The following LHCGR variants were observed in gnomAD, a reference collection of about 807,000 sequenced individuals.
LHCGR encodes the protein lutropin-choriogonadotropic hormone receptor.
A neutral mutation model predicts 60.7 loss-of-function variants in LHCGR; 55 were observed. The ratio of observed to expected loss-of-function variants is 0.91; its 90% CI spans 0.73 to 1.13. LHCGR has a LOEUF of 1.13. Ranked by LOEUF, LHCGR falls within the 50% of genes most tolerant of loss-of-function variation. The pLI is 0.00. For synonymous variants in LHCGR, 337 were observed against 316.5 expected (o/e 1.06, Z -0.69); for missense variants, 862 against 836.0 (o/e 1.03, Z -0.38).
In LHCGR at chr2:48,731,282, G is replaced by A; in HGVS notation, c.178C>T (p.Pro60Ser). The A allele has an allele frequency of 1.2e-6, 2 of 1,611,438 alleles. No homozygotes were observed. The highest frequency in any genetic ancestry group is 1.7e-6 in the Non-Finnish European group (2 of 1,178,470). ...GLTRLSLAYL[P>S]VKVIPSQAFR... ...GCTTGAGATGGGATCACTTTGACAG[G>A]GAGGTAGGCAAGTGATCTAGAAAAG... Residue 60 changes from proline (P) to serine (S), a missense_variant, in exon 2 of 11, where the codon CCT becomes TCT. Coordinates refer to ENST00000294954, the MANE Select transcript of LHCGR (RefSeq NM_000233.4).
At position 48,731,300 on chromosome 2, in the gene LHCGR, T is replaced by C; in HGVS notation, c.162-2A>G. ...TTGACAGGGAGGTAGGCAAGTGATC[T>C]AGAAAAGAAAAAAGGAAATCCAAGA... On this transcript the variant is annotated splice_acceptor_variant, in intron 1 of 10. Coordinates refer to ENST00000294954, the MANE Select transcript of LHCGR (RefSeq NM_000233.4). LOFTEE classifies it high-confidence loss of function. 1 of 1,608,366 alleles carries C rather than the reference T, an allele frequency of 6.2e-7. No individual in the cohort carries two copies. The highest frequency in any genetic ancestry group is 1.1e-5 in the South Asian group (1 of 91,008).
chr2:48,707,384 TGAG>T (rs1667740060), intron 8 of LHCGR, among the ~76,000 whole-genome samples: 1 of 152,300 alleles, frequency 6.6e-6, no homozygotes, highest in African/African-American at 2.4e-5. Flanking sequence ...AGGGACCCCT[TGAG>T]GAGGCAGTCT....
At position 48,704,151 on chromosome 2, in the gene LHCGR, GT is replaced by G. The variant is rs780883198; in HGVS notation, c.680+4796del. On this transcript the variant is annotated intron_variant, in intron 8 of 10. Transcript: ENST00000294954. ...TCTGCATCTATTGAGATAATCATGT[GT>G]TTTTTTGTCATTGGTTCTGTTTATG... Among the ~76,000 whole-genome samples, 66 of 152,112 alleles carry G rather than the reference GT, an allele frequency of 4.3e-4. 1 individual carries two copies. The highest frequency in any genetic ancestry group is 1.5e-3 in the South Asian group (7 of 4,802).
intron 1 of LHCGR, among the ~76,000 whole-genome samples, chr2:48,749,720 T>TTA (rs1240764874): frequency 7.7e-6 from 1 of 129,968 alleles, no homozygotes; most frequent in Non-Finnish European, 1.7e-5. Context: ...CTTTTGAAAT[T>TTA]AAAAAAAAAA....
intron 8 of LHCGR, among the ~76,000 whole-genome samples, chr2:48,702,475 A>G (rs1043287154): frequency 2.0e-5 from 3 of 151,136 alleles, no homozygotes; most frequent in Non-Finnish European, 2.9e-5. Context: ...ATGTGTTCTC[A>G]TTGATCAACT....
In LHCGR at chr2:48,688,515, T is replaced by A. The variant is rs749827367; in HGVS notation, c.1282A>T (p.Asn428Tyr). ...CCTGTCTGCCAGTCTATGGCATGGT[T>A]ATAGTACTGGCCCTTGGTTTGGGAA... ...VDSQTKGQYY[N>Y]HAIDWQTGSG... is the part of the protein sequence containing the mutation. The change falls in exon 11 of 11, where the codon AAC becomes TAC. Residue 428 changes from asparagine (N) to tyrosine (Y), a missense_variant. Asn to Tyr is a moderately radical substitution (Grantham distance 143). Transcript: ENST00000294954. This position sits in a 1 kb window ranked among gnomAD's most constrained non-coding sequence, Gnocchi z 5.2. The A allele has an allele frequency of 6.2e-7, 1 of 1,614,090 alleles. No homozygotes were observed. Among genetic ancestry groups the A allele is most frequent in the Non-Finnish European group, 8.5e-7 (1 of 1,179,982 alleles).
chr2:48,746,431 C>T (rs1669708640), intron 1 of LHCGR, among the ~76,000 whole-genome samples: 2 of 152,184 alleles, frequency 1.3e-5, no homozygotes, highest in African/African-American at 2.4e-5. Flanking sequence ...TGATAAAGAA[C>T]AACCTTCAAT....
At chr2:48,724,388 C>G (rs998770388) in intron 4 of LHCGR, among the ~76,000 whole-genome samples, 16 of 152,204 alleles carry the variant, frequency 1.1e-4, no homozygotes, top group Non-Finnish European at 2.2e-4. Flanking sequence ...GATTTCCCCA[C>G]TGGAGTTTTA....
chr2:48,698,065 A>G (rs1322923989), intron 9 of LHCGR, among the ~76,000 whole-genome samples: 1 of 152,122 alleles, frequency 6.6e-6, no homozygotes, highest in East Asian at 1.9e-4. Context: ...TCAGATACCC[A>G]CTACTGGATG....
chr2:48,711,506 A>G (rs551961752), intron 7 of LHCGR, among the ~76,000 whole-genome samples: 289 of 152,270 alleles, frequency 1.9e-3, no homozygotes, highest in Middle Eastern at 3.4e-3. Flanking sequence ...CAACAGTGAG[A>G]TACAGGGTAT....
chr2:48,716,340 A>G (rs900784454), intron 6 of LHCGR, among the ~76,000 whole-genome samples: 1 of 152,174 alleles, frequency 6.6e-6, no homozygotes, highest in South Asian at 2.1e-4. Flanking sequence ...TTCATCTTAC[A>G]TATTCTCATT....
chr2:48,755,396 C>A, intron 1 of LHCGR, 115 bp downstream of exon 1: 2 of 692,374 alleles, frequency 2.9e-6, no homozygotes, highest in African/African-American at 1.8e-5. Flanking sequence ...TAGGGCAAAG[C>A]GTTTTTCTCC....
At chr2:48,697,096 C>T (rs1001359643) in intron 9 of LHCGR, among the ~76,000 whole-genome samples, 5 of 152,164 alleles carry the variant, frequency 3.3e-5, no homozygotes, top group Non-Finnish European at 7.3e-5. Context: ...TCCTTGGCTT[C>T]CTCTTCTGAC....
chr2:48,718,345 ACTCTAATT>A (rs1247767929), intron 6 of LHCGR, among the ~76,000 whole-genome samples: 1 of 152,150 alleles, frequency 6.6e-6, no homozygotes, highest in South Asian at 2.1e-4. Flanking sequence ...CACAGATGAT[ACTCTAATT>A]CTGAATGCTG....
At chr2:48,713,745 G>C (rs978138698) in intron 7 of LHCGR, among the ~76,000 whole-genome samples, 1 of 152,162 alleles carries the variant, frequency 6.6e-6, no homozygotes. Flanking sequence ...ATAAAGTAGG[G>C]TGTTGAATAT....
chr2:48,728,520 A>G (rs1668846300), intron 3 of LHCGR, among the ~76,000 whole-genome samples: 1 of 152,162 alleles, frequency 6.6e-6, no homozygotes, highest in Non-Finnish European at 1.5e-5. Context: ...CTCTGGCACT[A>G]ACTTGCGGTG....
intron 1 of LHCGR, among the ~76,000 whole-genome samples, chr2:48,752,981 C>CGGGGGGGGGGGGGGGGGGGGG (rs60837194): frequency 9.2e-4 from 7 of 7,624 alleles, no homozygotes; most frequent in African/African-American, 1.6e-3. Flanking sequence ...CGGATTTTGG[C>CGGGGGGGGGGGGGGGGGGGGG]GGGGGGGGGG....
chr2:48,704,569 C>T (rs1263503394), intron 8 of LHCGR, among the ~76,000 whole-genome samples: 1 of 152,110 alleles, frequency 6.6e-6, no homozygotes, highest in African/African-American at 2.4e-5. Flanking sequence ...ATTTCAGGAC[C>T]TGTTATTGGT....
chr2:48,747,255 A>G (rs1669750293), intron 1 of LHCGR, among the ~76,000 whole-genome samples: 2 of 151,884 alleles, frequency 1.3e-5, no homozygotes, highest in South Asian at 4.2e-4. Context: ...TGCCTGGCTA[A>G]TTTTTTGGTA....
Sources: gnomAD v4.1 joint callset for allele counts (sites outside exome capture counted in the v4.1 genomes callset) on GRCh38, gnomAD v4.1.1 for gene constraint, Gnocchi (gnomAD v3.1) non-coding constraint, MANE v1.5 for transcripts, NCBI Gene and HGNC (gene_info 2026-07-23, HGNC 2026-07-21) for gene names.